CYP2C19: variants seen among roughly 807,000 people sequenced by gnomAD.
The protein encoded by CYP2C19 is cytochrome P450 2C19.
A neutral mutation model predicts 40.9 loss-of-function variants in CYP2C19; 59 were observed. That is an observed-to-expected ratio of 1.44 (90% CI 1.17 to 1.79). The LOEUF (loss-of-function observed/expected upper bound fraction) is 1.79, where lower values mean the gene tolerates loss of function less well. Ranked by LOEUF, CYP2C19 falls within the 40% of genes most tolerant of loss-of-function variation. The pLI, the probability that CYP2C19 is intolerant of heterozygous loss-of-function variation, is 0.00. For synonymous variants in CYP2C19, 253 were observed against 208.7 expected (o/e 1.21, Z -1.83); for missense variants, 754 against 596.9 (o/e 1.26, Z -2.74).
At chr10:94,827,809 A>C (rs972602047) in intron 6 of CYP2C19, among the ~76,000 whole-genome samples, 1 of 152,106 alleles carries the variant, frequency 6.6e-6, no homozygotes, top group East Asian at 1.9e-4. Flanking sequence ...TTAGTGCCAT[A>C]AATTTCCCTC....
chr10:94,774,681 G>C (rs1278162241), intron 1 of CYP2C19: 2 of 216,664 alleles, frequency 9.2e-6, no homozygotes, highest in Non-Finnish European at 1.8e-5. Flanking sequence ...AATTTCTCAA[G>C]CATGAGTGTT....
chr10:94,824,816 C>A (rs1245933193), intron 6 of CYP2C19, among the ~76,000 whole-genome samples: 25 of 122,432 alleles, frequency 2.0e-4, no homozygotes, highest in African/African-American at 7.6e-4. Flanking sequence ...CTCCCCCCAC[C>A]CCACATCAGT....
intron 5 of CYP2C19, among the ~76,000 whole-genome samples, chr10:94,798,148 A>G (rs915450022): frequency 1.3e-5 from 2 of 152,142 alleles, no homozygotes; most frequent in Non-Finnish European, 2.9e-5. Flanking sequence ...ATTTCCGTCT[A>G]CACACTGCTT....
At chr10:94,830,128 C>T (rs568241972) in intron 6 of CYP2C19, among the ~76,000 whole-genome samples, 2 of 152,322 alleles carry the variant, frequency 1.3e-5, no homozygotes, top group South Asian at 2.1e-4. Context: ...GCCCTGCCCC[C>T]AGAGGTGGAG....
At chr10:94,820,250 A>G (rs1849091812) in intron 5 of CYP2C19, among the ~76,000 whole-genome samples, 1 of 152,054 alleles carries the variant, frequency 6.6e-6, no homozygotes, top group African/African-American at 2.4e-5. Context: ...TCAAAATAAT[A>G]AGAGCTATCT....
intron 1 of CYP2C19, 111 bp downstream of exon 1, chr10:94,762,984 A>C: frequency 8.6e-7 from 1 of 1,165,470 alleles, no homozygotes; most frequent in South Asian, 1.3e-5. Flanking sequence ...GTAAAGTAAA[A>C]TACTTTGAAA....
At chr10:94,818,299 A>G (rs1416269364) in intron 5 of CYP2C19, among the ~76,000 whole-genome samples, 1 of 149,408 alleles carries the variant, frequency 6.7e-6, no homozygotes, top group African/African-American at 2.5e-5. Flanking sequence ...GTAGCCTTGT[A>G]GTATAGTTTG....
intron 7 of CYP2C19, among the ~76,000 whole-genome samples, chr10:94,844,036 A>G (rs1408035494): frequency 6.6e-6 from 1 of 152,224 alleles, no homozygotes; most frequent in Non-Finnish European, 1.5e-5. Context: ...CTGTGTTTAC[A>G]TTCACAAGGA....
At chr10:94,835,497 G>A (rs551501087) in intron 6 of CYP2C19, among the ~76,000 whole-genome samples, 1 of 152,126 alleles carries the variant, frequency 6.6e-6, no homozygotes, top group Non-Finnish European at 1.5e-5. Context: ...CCATACTAGG[G>A]GTCCTTCTAT....
At chr10:94,778,774 A>G (rs1464226117) in intron 3 of CYP2C19, among the ~76,000 whole-genome samples, 1 of 152,206 alleles carries the variant, frequency 6.6e-6, no homozygotes, top group African/African-American at 2.4e-5. Context: ...TATATACCCA[A>G]AGGGCTATAA....
At position 94,805,091 on chromosome 10, in the gene CYP2C19, A is replaced by G. The variant is rs115791086; in HGVS notation, c.820-15405A>G. ...CTCTGGCTAGAACTTCCAATACTATATTTAATAGTAGTAAAAGTGGACATC... is the reference window on the plus strand; with the variant it reads ...CTCTGGCTAGAACTTCCAATACTATGTTTAATAGTAGTAAAAGTGGACATC... On this transcript the variant is annotated intron_variant, in intron 5 of 8. Transcript: ENST00000371321. 3.1e-3 allele frequency among the ~76,000 whole-genome samples: 475 copies of G among 152,140 alleles called. 3 individuals are homozygous for G. The highest frequency in any genetic ancestry group is 0.011 in the African/African-American group (452 of 41,524).
chr10:94,791,070 T>A (rs896536805), intron 5 of CYP2C19, among the ~76,000 whole-genome samples: 4 of 152,126 alleles, frequency 2.6e-5, no homozygotes, highest in Non-Finnish European at 5.9e-5. Flanking sequence ...ATTCAGAGAT[T>A]CAACTTCTTC....
Position 94,780,487 on chromosome 10 carries a change from C to T in CYP2C19, c.482-12C>T. ...GTTTACTCATATTTTAAAATTGTTT[C>T]CAATCATTTAGCTTCACCCTGTGAT... On this transcript the variant is annotated splice_polypyrimidine_tract_variant and intron_variant, in intron 3 of 8. Transcript: ENST00000371321. 1.2e-6 allele frequency: 2 copies of T among 1,612,308 alleles called. No individual in the cohort carries two copies. The highest frequency in any genetic ancestry group is 8.5e-7 in the Non-Finnish European group (1 of 1,179,688).
In CYP2C19 at chr10:94,855,445, A is replaced by G. The variant is rs1379985847; in HGVS notation, c.*2531A>G. ...TTATTGTTTGTATTTCTTCCCTAAA[A>G]TACATATTTCATATGAGAAGAGAAC... On this transcript the variant is annotated 3_prime_UTR_variant, in exon 9 of 9. Transcript: ENST00000371321. Among the ~76,000 whole-genome samples the G allele has an allele frequency of 6.6e-6, 1 of 152,230 alleles. No individual in the cohort carries two copies. Among genetic ancestry groups the G allele is most frequent in the Non-Finnish European group, 1.5e-5 (1 of 68,036 alleles).
intron 6 of CYP2C19, among the ~76,000 whole-genome samples, chr10:94,827,678 A>G (rs796124292): frequency 7.2e-5 from 11 of 151,744 alleles, no homozygotes; most frequent in African/African-American, 2.4e-4. Flanking sequence ...TTCTGCTTTG[A>G]TTTTAGTTAT....
chr10:94,827,473 A>T (rs1334911547), intron 6 of CYP2C19, among the ~76,000 whole-genome samples: 2 of 151,872 alleles, frequency 1.3e-5, no homozygotes, highest in Admixed American at 1.3e-4. Context: ...GTATTCTCTG[A>T]TGGTAGTTTG....
At chr10:94,826,229 A>C (rs1029564668) in intron 6 of CYP2C19, among the ~76,000 whole-genome samples, 1 of 151,978 alleles carries the variant, frequency 6.6e-6, no homozygotes, top group Non-Finnish European at 1.5e-5. Flanking sequence ...ATGGCATTGA[A>C]TCTGTAAATT....
At chr10:94,806,153 T>G (rs1335212620) in intron 5 of CYP2C19, among the ~76,000 whole-genome samples, 1 of 152,160 alleles carries the variant, frequency 6.6e-6, no homozygotes, top group Non-Finnish European at 1.5e-5. Flanking sequence ...CATTACATAT[T>G]TGCCCTTTTG....
chr10:94,812,753 C>T (rs1388740684), intron 5 of CYP2C19, among the ~76,000 whole-genome samples: 1 of 151,602 alleles, frequency 6.6e-6, no homozygotes, highest in Non-Finnish European at 1.5e-5. Flanking sequence ...CTCTAGTTAG[C>T]AATTCGTCTA....
Sources: gnomAD v4.1 joint callset for allele counts (sites outside exome capture counted in the v4.1 genomes callset) on GRCh38, gnomAD v4.1.1 for gene constraint, MANE v1.5 for transcripts, NCBI Gene and HGNC (gene_info 2026-07-23, HGNC 2026-07-21) for gene names.